Variants in CRIM1 observed in about 807,000 individuals in gnomAD.
The protein encoded by CRIM1 is cysteine rich transmembrane BMP regulator 1, also known as cysteine-rich motor neuron 1 protein.
In CRIM1, 32 loss-of-function variants were observed where a neutral mutation model predicts 116.4. The ratio of observed to expected loss-of-function variants is 0.27; its 90% confidence interval spans 0.21 to 0.37. The LOEUF (loss-of-function observed/expected upper bound fraction) is 0.37. Ranked by LOEUF, CRIM1 falls within the 10% of genes least tolerant of loss-of-function variation. CRIM1 has a pLI of 1.00. For missense variants in CRIM1, 1,331 were observed against 1,354.8 expected (o/e 0.98, Z 0.28); for synonymous variants, 590 against 509.2 (o/e 1.16, Z -2.13).
At chr2:36,409,524 C>T (rs887178827) in intron 2 of CRIM1, among the ~76,000 whole-genome samples, 5 of 152,160 alleles carry the variant, frequency 3.3e-5, no homozygotes, top group Non-Finnish European at 7.3e-5. Flanking sequence ...TGCATAGGGG[C>T]ATTTGAGATG....
chr2:36,447,294 A>G (rs1318258367), intron 4 of CRIM1, among the ~76,000 whole-genome samples: 1 of 152,032 alleles, frequency 6.6e-6, no homozygotes, highest in African/African-American at 2.4e-5. Context: ...TTTGATAACA[A>G]TGTTTTGTTG....
At position 36,541,299 on chromosome 2, in the gene CRIM1, T is replaced by G. The variant is rs1272587433; in HGVS notation, c.2624-3077T>G. Among the ~76,000 whole-genome samples, 3 of 152,306 alleles carry G rather than the reference T, an allele frequency of 2.0e-5. No homozygotes were observed. The East Asian group carries it at 5.8e-4, about 29-fold the overall frequency. ...CGGTCTGTCCAGCAAACAAGAACCT[T>G]GCTTCTTCCTTTAGACATAGCAACT... On this transcript the variant is annotated intron_variant, in intron 14 of 16. Coordinates refer to ENST00000280527, the MANE Select transcript of CRIM1 (RefSeq NM_016441.3).
intron 1 of CRIM1, among the ~76,000 whole-genome samples, chr2:36,363,370 C>T (rs2148282798): frequency 6.6e-6 from 1 of 152,220 alleles, no homozygotes; most frequent in African/African-American, 2.4e-5. Flanking sequence ...AACATGCTTA[C>T]TAACAAGGCT....
intron 1 of CRIM1, among the ~76,000 whole-genome samples, chr2:36,371,000 G>A (rs1669908082): frequency 6.6e-6 from 1 of 152,110 alleles, no homozygotes; most frequent in Admixed American, 6.6e-5. Context: ...AGTGTATCTT[G>A]GACAAAGACC....
chr2:36,441,896 G>A (rs947876693), intron 3 of CRIM1, among the ~76,000 whole-genome samples: 5 of 152,082 alleles, frequency 3.3e-5, no homozygotes, highest in African/African-American at 7.2e-5. Flanking sequence ...ATCATCATAC[G>A]TAAAACAGAA....
rs767632840 is a variant in CRIM1, at chr2:36,429,025, ACTTTTC to A, written c.506-12231_506-12226del. Among the ~76,000 whole-genome samples the A allele has an allele frequency of 7.8e-4, 119 of 152,066 alleles. 3 individuals are homozygous for A. The highest frequency in any genetic ancestry group is 1.2e-4 in the Non-Finnish European group (8 of 68,018). ...GTTTAGAGTTGCGCCTTCCCCTTCT[ACTTTTC>A]CCCTCTCCCACAGTTGGAATACCAT... is the stretch of plus-strand genomic sequence containing the variant. On this transcript the variant is annotated intron_variant, in intron 2 of 16. Transcript: ENST00000280527.
chr2:36,505,963 A>G (rs1408430538), intron 8 of CRIM1, among the ~76,000 whole-genome samples: 1 of 152,086 alleles, frequency 6.6e-6, no homozygotes, highest in Non-Finnish European at 1.5e-5. Flanking sequence ...TGTGATTATC[A>G]CCTGCTTTAA....
chr2:36,490,417 C>T (rs564385096), intron 7 of CRIM1, among the ~76,000 whole-genome samples: 1 of 152,280 alleles, frequency 6.6e-6, no homozygotes, highest in South Asian at 2.1e-4. Flanking sequence ...GCTATGTTTT[C>T]TGACTCCAAA....
intron 6 of CRIM1, among the ~76,000 whole-genome samples, chr2:36,478,937 G>C (rs1408536662): frequency 1.3e-5 from 2 of 152,076 alleles, no homozygotes; most frequent in Non-Finnish European, 2.9e-5. Context: ...TAAGTTCACA[G>C]CGCTCCTCCA....
At chr2:36,474,864 A>AAAAAAAAAAAAAAAAC in intron 5 of CRIM1, among the ~76,000 whole-genome samples, 1 of 149,744 alleles carries the variant, frequency 6.7e-6, no homozygotes, top group African/African-American at 2.5e-5. Context: ...AAAAAAAAAA[A>AAAAAAAAAAAAAAAAC]AAGACTTTGA....
rs1667607295 is a variant in CRIM1, at chr2:36,549,626, CTT to C, written c.*931_*932del. ...GTTGAAGCTCTAGCTTAAGAAGAAACTTTTTTTAAAAAGACTGTTTGGGGATT... is the reference window on the plus strand; with the variant it reads ...GTTGAAGCTCTAGCTTAAGAAGAAACTTTTTAAAAAGACTGTTTGGGGATT... On this transcript the variant is annotated 3_prime_UTR_variant, in exon 17 of 17. Transcript: ENST00000280527. 2 of 152,310 alleles carry C rather than the reference CTT, an allele frequency of 1.3e-5. No individual in the cohort carries two copies. Among genetic ancestry groups the C allele is most frequent in the African/African-American group, 4.8e-5 (2 of 41,388 alleles). The allele number at this position is 152,310 out of a possible 1,614,324, so 9.4% of individuals were successfully genotyped here.
chr2:36,522,369 T>G, intron 13 of CRIM1, 56 bp downstream of exon 13: 1 of 1,302,858 alleles, frequency 7.7e-7, no homozygotes, highest in Non-Finnish European at 1.1e-6. Flanking sequence ...TAAATCTGTA[T>G]TGACAGCCAT....
chr2:36,544,297 C>G (rs1667158738), intron 14 of CRIM1, 79 bp from the exon 15 acceptor site: 3 of 1,226,622 alleles, frequency 2.4e-6, no homozygotes, highest in African/African-American at 1.6e-5. Context: ...GAATTGAGTG[C>G]ACCATTTGGA....
At position 36,356,278 on chromosome 2, in the gene CRIM1, C is replaced by G; in HGVS notation, c.-15C>G. 3 of 1,376,760 alleles carry G rather than the reference C, an allele frequency of 2.2e-6. No homozygotes were observed. The highest frequency in any genetic ancestry group is 3.2e-5 in the South Asian group (2 of 63,188). The allele number at this position is 1,376,760 out of a possible 1,614,324, so 85.3% of individuals were successfully genotyped here. A position where few individuals can be genotyped will look rare whatever the true frequency, so the allele number is the denominator to read the frequency against. On this transcript the variant is annotated 5_prime_UTR_variant, in exon 1 of 17. Transcript: ENST00000280527. The surrounding 1 kb of genome is among the most constrained non-coding windows in gnomAD (Gnocchi z 4.3). ...CGGCCCGGCTGCGAGGAGGAGGCGG[C>G]GGCGGCGCAGGAGGATGTACTTGGT...
chr2:36,417,788 T>A (rs1226793361), intron 2 of CRIM1, among the ~76,000 whole-genome samples: 1 of 152,162 alleles, frequency 6.6e-6, no homozygotes, highest in East Asian at 1.9e-4. Flanking sequence ...CTCACTAGAA[T>A]AGAAAGTAGA....
intron 1 of CRIM1, among the ~76,000 whole-genome samples, chr2:36,379,717 A>G (rs922692997): frequency 6.8e-6 from 1 of 147,904 alleles, no homozygotes; most frequent in Non-Finnish European, 1.5e-5. Flanking sequence ...ATAATTGGTC[A>G]GGGATTCTAT....
chr2:36,441,157 C>T, intron 2 of CRIM1, 101 bp from the exon 3 acceptor site: 2 of 1,481,012 alleles, frequency 1.4e-6, no homozygotes, highest in African/African-American at 1.4e-5. Flanking sequence ...CCCTACCGTC[C>T]TCTTTGGCTA....
At chr2:36,435,589 A>G (rs1028034862) in intron 2 of CRIM1, among the ~76,000 whole-genome samples, 16 of 150,462 alleles carry the variant, frequency 1.1e-4, no homozygotes, top group Non-Finnish European at 7.4e-5. Context: ...CTCGTAGATC[A>G]TGATTGTATT....
intron 2 of CRIM1, among the ~76,000 whole-genome samples, chr2:36,433,659 G>T (rs1388221980): frequency 6.6e-6 from 1 of 152,188 alleles, no homozygotes; most frequent in Non-Finnish European, 1.5e-5. Context: ...TTGGTTTGAG[G>T]TGGGATCCAG....
Sources: allele counts gnomAD v4.1 joint callset (sites outside exome capture counted in the v4.1 genomes callset), GRCh38; gene constraint gnomAD v4.1.1; non-coding constraint Gnocchi (gnomAD v3.1); transcripts MANE v1.5; gene names NCBI Gene and HGNC (gene_info 2026-07-23, HGNC 2026-07-21).